PITPNB: variants seen among roughly 807,000 people sequenced by gnomAD.
PITPNB encodes phosphatidylinositol transfer protein beta, also known as phosphatidylinositol transfer protein beta isoform.
Under a neutral mutation model 45.9 loss-of-function variants are expected in PITPNB, and 16 were observed. The observed-to-expected ratio is 0.35, with a 90% CI of 0.24 to 0.53. The LOEUF is 0.53. Ranked by LOEUF, PITPNB falls within the 20% of genes least tolerant of loss-of-function variation. The probability of loss-of-function intolerance (pLI) is 0.93; values close to 1 mark genes in which losing one functional copy is unlikely to be tolerated. For missense variants in PITPNB, 188 were observed against 330.5 expected, an observed-to-expected ratio of 0.57 and a Z score of 3.34; for synonymous variants, 112 against 108.9, an observed-to-expected ratio of 1.03 and a Z score of -0.18.
chr22:27,867,016 A>C (rs1211753747), intron 8 of PITPNB, among the ~76,000 whole-genome samples: 1 of 152,214 alleles, frequency 6.6e-6, no homozygotes, highest in Non-Finnish European at 1.5e-5. Context: ...TATTTAGGTA[A>C]CCATTTATTT....
chr22:27,888,464 T>G (rs1161220034), intron 7 of PITPNB, among the ~76,000 whole-genome samples: 1 of 152,220 alleles, frequency 6.6e-6, no homozygotes, highest in Non-Finnish European at 1.5e-5. Context: ...CCTCATCCCT[T>G]GCCAACCCAG....
At chr22:27,903,258 T>C (rs1415867234) in intron 3 of PITPNB, among the ~76,000 whole-genome samples, 3 of 151,194 alleles carry the variant, frequency 2.0e-5, no homozygotes, top group African/African-American at 7.3e-5. Flanking sequence ...TCACCTGAGG[T>C]CAGGAGTTCG....
At chr22:27,904,621 G>T (rs150460478) in intron 3 of PITPNB, among the ~76,000 whole-genome samples, 2 of 152,098 alleles carry the variant, frequency 1.3e-5, no homozygotes, top group Non-Finnish European at 2.9e-5. Context: ...GAATTTTATG[G>T]CATATAAATT....
intron 3 of PITPNB, among the ~76,000 whole-genome samples, chr22:27,908,065 G>A (rs576201067): frequency 2.0e-5 from 3 of 151,324 alleles, no homozygotes; most frequent in South Asian, 4.2e-4. Context: ...TAACCTCTCC[G>A]GAATAAGAAT....
intron 8 of PITPNB, among the ~76,000 whole-genome samples, chr22:27,870,471 G>A (rs1227066104): frequency 6.6e-6 from 1 of 152,308 alleles, no homozygotes; most frequent in South Asian, 2.1e-4. Flanking sequence ...TCTGCTGAAG[G>A]GTATGTGTGG....
At position 27,914,338 on chromosome 22, in the gene PITPNB, A is replaced by T. The variant is rs747995241; in HGVS notation, c.30T>A (p.Val10=). MVLIKEFRV[V]LPCSVQEYQV... ...TCACCTCCTGAACAGAACATGGCAA[A>T]ACCACACGGCTAAAAAGACAAAAGA... The change falls in exon 2 of 12, where the codon GTT becomes GTA. Residue 10 remains valine, a synonymous_variant. Coordinates refer to ENST00000335272, the MANE Select transcript of PITPNB (RefSeq NM_012399.5). The T allele has an allele frequency of 1.9e-6, 3 of 1,593,728 alleles. No individual in the cohort carries two copies. Among genetic ancestry groups the T allele is most frequent in the Admixed American group, 1.7e-5 (1 of 59,762 alleles).
At chr22:27,896,960 G>C (rs1935449909) in intron 5 of PITPNB, 170 bp downstream of exon 5, 1 of 662,230 alleles carries the variant, frequency 1.5e-6, no homozygotes, top group African/African-American at 1.8e-5. Context: ...AGGGTGGAAA[G>C]GGCCCATGAA....
chr22:27,855,487 A>G (rs951011250), intron 10 of PITPNB, among the ~76,000 whole-genome samples: 1 of 152,254 alleles, frequency 6.6e-6, no homozygotes, highest in Admixed American at 6.5e-5. Context: ...GATGTATTAG[A>G]AAGGACAGGC....
At position 27,858,429 on chromosome 22, in the gene PITPNB, G is replaced by A; in HGVS notation, c.726C>T (p.Asp242=). The A allele has an allele frequency of 6.2e-7, 1 of 1,608,898 alleles. No homozygotes were observed. Among genetic ancestry groups the A allele is most frequent in the African/African-American group, 1.3e-5 (1 of 74,888 alleles). Residue 242 remains aspartate, a synonymous_variant, in exon 10 of 12, where the codon GAC becomes GAT. Coordinates refer to ENST00000335272, the MANE Select transcript of PITPNB (RefSeq NM_012399.5). ...IDKWIDLTME[D]IRRMEDETQK... ...GAGTCTCGTCTTCCATTCTCCTAAT[G>A]TCTTCCATCGTGAGATCGATCCACT... is the stretch of plus-strand genomic sequence containing the variant.
chr22:27,887,328 C>T (rs1291515330), intron 7 of PITPNB, among the ~76,000 whole-genome samples: 2 of 152,132 alleles, frequency 1.3e-5, no homozygotes, highest in Middle Eastern at 3.2e-3. Context: ...CTAGTACAGG[C>T]CCAGACATGA....
chr22:27,899,271 T>A (rs1935525037), intron 3 of PITPNB, among the ~76,000 whole-genome samples: 1 of 152,234 alleles, frequency 6.6e-6, no homozygotes, highest in African/African-American at 2.4e-5. Flanking sequence ...ATTTAAATCT[T>A]CCTTAATGTC....
At chr22:27,883,693 T>TA (rs1175390690) in intron 7 of PITPNB, among the ~76,000 whole-genome samples, 1 of 152,180 alleles carries the variant, frequency 6.6e-6, no homozygotes, top group Non-Finnish European at 1.5e-5. Flanking sequence ...TGAAGTTAGC[T>TA]AAAAATGCTC....
At chr22:27,914,200 T>C (rs549819401) in intron 2 of PITPNB, 117 bp downstream of exon 2, 1 of 684,000 alleles carries the variant, frequency 1.5e-6, no homozygotes, top group Middle Eastern at 2.8e-4. Context: ...TAATTAATTT[T>C]GTCACATAAG....
chr22:27,917,713 C>T (rs531150096), intron 1 of PITPNB, among the ~76,000 whole-genome samples: 8 of 152,222 alleles, frequency 5.3e-5, no homozygotes, highest in Non-Finnish European at 1.2e-4. Flanking sequence ...ATTCTAAAAA[C>T]TGGGGATATG....
intron 7 of PITPNB, among the ~76,000 whole-genome samples, chr22:27,887,622 C>T (rs1167962251): frequency 2.0e-5 from 3 of 151,812 alleles, no homozygotes; most frequent in African/African-American, 7.3e-5. Context: ...CCCACTCAAT[C>T]CCACACCCAC....
intron 7 of PITPNB, among the ~76,000 whole-genome samples, chr22:27,885,767 TG>T (rs1183145793): frequency 6.6e-6 from 1 of 152,232 alleles, no homozygotes; most frequent in Non-Finnish European, 1.5e-5. Flanking sequence ...ATTTACTATT[TG>T]AACAATAAAA....
chr22:27,888,839 G>A (rs955558924), intron 7 of PITPNB, among the ~76,000 whole-genome samples: 30 of 152,218 alleles, frequency 2.0e-4, no homozygotes, highest in African/African-American at 7.0e-4. Flanking sequence ...ATAGGGTATG[G>A]TCCGTGGCAC....
intron 8 of PITPNB, among the ~76,000 whole-genome samples, chr22:27,868,621 G>C (rs934592905): frequency 6.6e-6 from 1 of 152,160 alleles, no homozygotes; most frequent in Non-Finnish European, 1.5e-5. Context: ...GGCCAAGCTC[G>C]GACTGCTGGA....
intron 7 of PITPNB, 169 bp downstream of exon 7, chr22:27,894,386 T>A (rs1935375598): frequency 2.0e-6 from 1 of 510,252 alleles, no homozygotes. Context: ...TCTGGTCTCT[T>A]TGCTGCACAG....
Sources: gnomAD v4.1 joint callset for allele counts (sites outside exome capture counted in the v4.1 genomes callset) on GRCh38, gnomAD v4.1.1 for gene constraint, MANE v1.5 for transcripts, NCBI Gene and HGNC (gene_info 2026-07-23, HGNC 2026-07-21) for gene names.